The following OCA2 variants were observed in gnomAD, a reference collection of about 807,000 sequenced individuals.
OCA2 encodes OCA2 melanosomal transmembrane protein.
Under a neutral mutation model 100.2 loss-of-function variants are expected in OCA2, and 77 were observed. The ratio of observed to expected loss-of-function variants is 0.77; its 90% confidence interval spans 0.64 to 0.93. The LOEUF is 0.93. Ranked by LOEUF, OCA2 falls within the 40% of genes least tolerant of loss-of-function variation. The probability of loss-of-function intolerance (pLI) is 0.00; values close to 1 mark genes in which losing one functional copy is unlikely to be tolerated. For synonymous variants in OCA2, 432 were observed against 439.2 expected (o/e 0.98, Z 0.21); for missense variants, 1,062 against 1,089.1 (o/e 0.98, Z 0.35).
intron 2 of OCA2, among the ~76,000 whole-genome samples, chr15:28,078,117 C>A (rs1346416630): frequency 6.6e-6 from 1 of 152,226 alleles, no homozygotes; most frequent in African/African-American, 2.4e-5. Context: ...TCCACGGACA[C>A]AATCCAACTT....
chr15:27,947,756 C>G (rs2039892483), intron 18 of OCA2, among the ~76,000 whole-genome samples: 1 of 152,192 alleles, frequency 6.6e-6, no homozygotes, highest in Non-Finnish European at 1.5e-5. Context: ...CATTTGGTAC[C>G]TCCACTCAGG....
intron 2 of OCA2, 112 bp from the exon 3 acceptor site, chr15:28,032,275 C>T (rs2042927653): frequency 1.1e-6 from 1 of 887,426 alleles, no homozygotes; most frequent in Admixed American, 1.9e-5. Context: ...ATAAATCTTA[C>T]AAGGAAATTT....
At chr15:27,727,933 C>T in the OCA2 span, among the ~76,000 whole-genome samples, 1 of 152,266 alleles carries the variant, frequency 6.6e-6, no homozygotes, top group Non-Finnish European at 1.5e-5. Context: ...TATTCACAGG[C>T]CCTGGCACGA....
intron 23 of OCA2, among the ~76,000 whole-genome samples, chr15:27,791,344 T>C (rs781411951): frequency 3.9e-5 from 6 of 152,140 alleles, no homozygotes; most frequent in Non-Finnish European, 8.8e-5. Context: ...TGAAACAAAC[T>C]ATTGATGTAA....
intron 23 of OCA2, among the ~76,000 whole-genome samples, chr15:27,835,995 G>A (rs2035137105): frequency 6.6e-6 from 1 of 152,170 alleles, no homozygotes; most frequent in African/African-American, 2.4e-5. Flanking sequence ...CAGCTCTCCT[G>A]ACACCCTCCT....
At chr15:28,078,981 G>A (rs1400966934) in intron 2 of OCA2, among the ~76,000 whole-genome samples, 1 of 152,170 alleles carries the variant, frequency 6.6e-6, no homozygotes, top group Non-Finnish European at 1.5e-5. Context: ...AGGAAAAAGG[G>A]GACACGGCAG....
chr15:27,817,544 C>T (rs1025376753), intron 23 of OCA2, among the ~76,000 whole-genome samples: 10 of 152,298 alleles, frequency 6.6e-5, no homozygotes, highest in African/African-American at 1.4e-4. Flanking sequence ...GAAGTTTCCA[C>T]ATCCTGATGA....
At position 28,081,768 on chromosome 15, in the gene OCA2, C is replaced by T. The variant is rs143429491; in HGVS notation, c.107G>A (p.Arg36His). ...SGLAELVAGK[R>H]RLPRGAGGAD... is the part of the protein sequence containing the mutation. ...TCCACCGGCTCCCCGAGGAAGCCTGCGCTTGCCGGCCACAAGTTCAGCGAG... is the reference window on the plus strand; with the variant it reads ...TCCACCGGCTCCCCGAGGAAGCCTGTGCTTGCCGGCCACAAGTTCAGCGAG... Residue 36 changes from arginine (R) to histidine (H), a missense_variant, in exon 2 of 24, where the codon CGC (arginine) becomes CAC (histidine). By Grantham distance (29) the Arg-to-His change is conservative. Coordinates refer to ENST00000354638, the MANE Select transcript of OCA2 (RefSeq NM_000275.3). 1.1e-4 allele frequency: 182 copies of T among 1,613,262 alleles called. No homozygotes were observed. The highest frequency in any genetic ancestry group is 5.0e-4 in the Middle Eastern group (3 of 6,042).
chr15:27,819,699 T>C (rs1173514047), intron 23 of OCA2, among the ~76,000 whole-genome samples: 1 of 145,122 alleles, frequency 6.9e-6, no homozygotes, highest in Non-Finnish European at 1.5e-5. Flanking sequence ...GAACTATTCA[T>C]AGACCAATGT....
rs183095049 is a variant in OCA2 at position 27,824,989 on chromosome 15, G to T, written c.2432+19970C>A. Among the ~76,000 whole-genome samples, 14 of 152,276 alleles carry T rather than the reference G, an allele frequency of 9.2e-5. No homozygotes were observed. The East Asian group carries it at 1.4e-3, about 15-fold the overall frequency. ...TTTCTCCACACTCATGAATGGCCTT[G>T]TTGGGAATTAATTAGGAACTTAGCA... On this transcript the variant is annotated intron_variant, in intron 23 of 23. Coordinates refer to ENST00000354638, the MANE Select transcript of OCA2 (RefSeq NM_000275.3).
At chr15:27,796,334 C>A (rs1374524984) in intron 23 of OCA2, among the ~76,000 whole-genome samples, 1 of 152,278 alleles carries the variant, frequency 6.6e-6, no homozygotes, top group Admixed American at 6.5e-5. Flanking sequence ...TCTGGCCTCT[C>A]GCCACCTGAG....
chr15:27,925,911 T>C (rs1013681956), intron 19 of OCA2, among the ~76,000 whole-genome samples: 2 of 152,010 alleles, frequency 1.3e-5, no homozygotes, highest in African/African-American at 4.8e-5. Flanking sequence ...CAAAGATAAT[T>C]CAAGAAAAAA....
chr15:28,060,951 T>G (rs929227065), intron 2 of OCA2, among the ~76,000 whole-genome samples: 1 of 152,230 alleles, frequency 6.6e-6, no homozygotes, highest in Admixed American at 6.5e-5. Context: ...GTGAATAGCC[T>G]TCTCTCCTGG....
At position 27,881,548 on chromosome 15, in the gene OCA2, CT is replaced by C. The variant is rs375968120; in HGVS notation, c.2080-9627del. On this transcript the variant is annotated intron_variant, in intron 19 of 23. Transcript: ENST00000354638. ...ATTCATTACTGCCTCAATTTCAGAA[CT>C]TGCTATTGGTCTATTCAGGGATTCA... Among the ~76,000 whole-genome samples, 122 of 152,254 alleles carry C rather than the reference CT, an allele frequency of 8.0e-4. 1 individual carries two copies. Among genetic ancestry groups the C allele is most frequent in the African/African-American group, 2.6e-3 (110 of 41,532 alleles).
chr15:27,938,643 A>G (rs1173091904), intron 18 of OCA2, among the ~76,000 whole-genome samples: 3 of 152,220 alleles, frequency 2.0e-5, no homozygotes, highest in African/African-American at 7.2e-5. Flanking sequence ...TCTAATGAGA[A>G]CACACAGACA....
intron 23 of OCA2, among the ~76,000 whole-genome samples, chr15:27,771,050 CT>C (rs2031796453): frequency 6.7e-6 from 1 of 148,478 alleles, no homozygotes; most frequent in Non-Finnish European, 1.5e-5. Flanking sequence ...CTTTTCCTTC[CT>C]TTCCTTCCTT....
chr15:27,895,734 C>T, intron 19 of OCA2: 1 of 276,716 alleles, frequency 3.6e-6, no homozygotes, highest in Non-Finnish European at 7.1e-6. Flanking sequence ...AAGAATAAAG[C>T]CTACTTTAAG....
At chr15:27,895,258 C>T (rs1330693420) in intron 19 of OCA2, among the ~76,000 whole-genome samples, 3 of 152,248 alleles carry the variant, frequency 2.0e-5, no homozygotes, top group East Asian at 3.9e-4. Flanking sequence ...TCTTTATTAG[C>T]AGTGTGAGAA....
intron 18 of OCA2, among the ~76,000 whole-genome samples, chr15:27,931,116 G>C (rs2039232542): frequency 6.6e-6 from 1 of 152,052 alleles, no homozygotes; most frequent in African/African-American, 2.4e-5. Context: ...TCCAAGACCA[G>C]AGTGGATCAG....
Sources: gnomAD v4.1 joint callset for allele counts (sites outside exome capture counted in the v4.1 genomes callset) on GRCh38, gnomAD v4.1.1 for gene constraint, MANE v1.5 for transcripts, NCBI Gene and HGNC (gene_info 2026-07-23, HGNC 2026-07-21) for gene names.